Variants in STRBP observed in about 807,000 individuals in gnomAD.
STRBP encodes spermatid perinuclear RNA-binding protein.
A neutral mutation model predicts 80.1 loss-of-function variants in STRBP; 13 were observed. The observed-to-expected ratio is 0.16, with a 90% CI of 0.11 to 0.26. The LOEUF (loss-of-function observed/expected upper bound fraction) is 0.26, where lower values mean the gene tolerates loss of function less well. Ranked by LOEUF, STRBP falls within the 10% of genes least tolerant of loss-of-function variation. The pLI is 1.00. For missense variants in STRBP, 485 were observed against 815.2 expected (o/e 0.59, Z 4.93); for synonymous variants, 284 against 291.2 (o/e 0.98, Z 0.25).
rs534673014 is a variant in STRBP, at chr9:123,217,333, GA to G, written c.-165+19496del. On this transcript the variant is annotated intron_variant, in intron 2 of 18. Transcript: ENST00000348403. ...AAGGTTAGGAAAACAAGACCAGAAA[GA>G]AAAAAAAGCATCTTATTCCAAGAAT... Among the ~76,000 whole-genome samples, 3 of 151,270 alleles carry G rather than the reference GA, an allele frequency of 2.0e-5. 1 individual carries two copies. Among genetic ancestry groups the G allele is most frequent in the South Asian group, 4.2e-4 (2 of 4,808 alleles).
At chr9:123,150,196 C>T (rs1184515912) in intron 11 of STRBP, among the ~76,000 whole-genome samples, 1 of 152,072 alleles carries the variant, frequency 6.6e-6, no homozygotes, top group African/African-American at 2.4e-5. Flanking sequence ...TGGAGTGAAA[C>T]AAACAAGGAG....
chr9:123,259,966 G>A (rs1379316229), intron 1 of STRBP, among the ~76,000 whole-genome samples: 1 of 152,346 alleles, frequency 6.6e-6, no homozygotes, highest in South Asian at 2.1e-4. Context: ...CAGTAGAGTG[G>A]TGGGGTTAAA....
intron 2 of STRBP, among the ~76,000 whole-genome samples, chr9:123,224,381 T>C (rs966238550): frequency 6.6e-6 from 1 of 152,192 alleles, no homozygotes; most frequent in African/African-American, 2.4e-5. Flanking sequence ...GGGCTACCTA[T>C]TACCTCCTGA....
Position 123,126,549 on chromosome 9 carries a change from A to G in STRBP, c.1943-876T>C, listed in dbSNP as rs2035901579. 6.6e-6 allele frequency among the ~76,000 whole-genome samples: 1 copy of G among 152,164 alleles called. No homozygotes were observed. ...GTGGGGGCTCAGAGGGCACAGGGTG[A>G]AAGTATAATGTTAAAGGAGGAAAGG... is the stretch of plus-strand genomic sequence containing the variant. On this transcript the variant is annotated intron_variant, in intron 18 of 18. Transcript: ENST00000348403. This position sits in a 1 kb window ranked among gnomAD's most constrained non-coding sequence, Gnocchi z 4.4.
chr9:123,216,389 G>A (rs953746019), intron 2 of STRBP, among the ~76,000 whole-genome samples: 4 of 152,198 alleles, frequency 2.6e-5, no homozygotes, highest in African/African-American at 9.6e-5. Context: ...ATGAATAAAT[G>A]ATTGATGACT....
chr9:123,174,609 A>G (rs1404183825), intron 4 of STRBP, among the ~76,000 whole-genome samples: 1 of 152,252 alleles, frequency 6.6e-6, no homozygotes, highest in African/African-American at 2.4e-5. Flanking sequence ...ACTATTGGCT[A>G]GATGAGCTAA....
At chr9:123,250,367 CAT>C (rs1221532384) in intron 1 of STRBP, among the ~76,000 whole-genome samples, 1 of 152,146 alleles carries the variant, frequency 6.6e-6, no homozygotes, top group Non-Finnish European at 1.5e-5. Flanking sequence ...CTTGTGTTAA[CAT>C]ATAATAGTTT....
chr9:123,244,415 A>G (rs1407234733), intron 1 of STRBP, among the ~76,000 whole-genome samples: 1 of 152,206 alleles, frequency 6.6e-6, no homozygotes, highest in African/African-American at 2.4e-5. Flanking sequence ...AAACCCACAG[A>G]CCTGTACAAG....
chr9:123,246,129 A>C (rs752343759), intron 1 of STRBP, among the ~76,000 whole-genome samples: 1 of 152,248 alleles, frequency 6.6e-6, no homozygotes, highest in African/African-American at 2.4e-5. Context: ...CTTAACCTAA[A>C]ATCAAAAGGA....
intron 2 of STRBP, among the ~76,000 whole-genome samples, chr9:123,202,821 T>C (rs1177870943): frequency 6.6e-6 from 1 of 152,112 alleles, no homozygotes; most frequent in African/African-American, 2.4e-5. Flanking sequence ...CATAAATATA[T>C]ACACCTACTA....
At chr9:123,250,676 T>C (rs1420529448) in intron 1 of STRBP, among the ~76,000 whole-genome samples, 1 of 152,194 alleles carries the variant, frequency 6.6e-6, no homozygotes, top group African/African-American at 2.4e-5. Context: ...TCACTTAAGC[T>C]CTTGACAAAT....
At chr9:123,187,595 C>A (rs2038748817) in intron 2 of STRBP, among the ~76,000 whole-genome samples, 1 of 152,082 alleles carries the variant, frequency 6.6e-6, no homozygotes, top group Admixed American at 6.5e-5. Context: ...CTCCTTAGAA[C>A]AGCTTACGCA....
chr9:123,252,259 C>T (rs766938005), intron 1 of STRBP, among the ~76,000 whole-genome samples: 2 of 152,196 alleles, frequency 1.3e-5, no homozygotes, highest in African/African-American at 4.8e-5. Flanking sequence ...AGACTTCTTC[C>T]TATAACACGG....
chr9:123,116,040 A>G (rs1198965840), exon 3 of STRBP: 1 of 456,160 alleles, frequency 2.2e-6, no homozygotes, highest in South Asian at 1.5e-5. Flanking sequence ...CCCAGGTGCC[A>G]ATTTCCATAG....
chr9:123,116,739 C>T (rs545546393), downstream of STRBP, among the ~76,000 whole-genome samples: 3 of 152,286 alleles, frequency 2.0e-5, no homozygotes, highest in East Asian at 3.9e-4. Context: ...TTGGTGCCTA[C>T]TAGCGACGCA....
chr9:123,218,885 C>G (rs1380225801), intron 2 of STRBP, among the ~76,000 whole-genome samples: 1 of 152,110 alleles, frequency 6.6e-6, no homozygotes, highest in Non-Finnish European at 1.5e-5. Context: ...GCTTACTGTT[C>G]TAAGTACACT....
At position 123,170,038 on chromosome 9, in the gene STRBP, T is replaced by C. The variant is rs925829372; in HGVS notation, c.399A>G (p.Thr133=). 4 of 1,600,594 alleles carry C rather than the reference T, an allele frequency of 2.5e-6. No individual in the cohort carries two copies. Among genetic ancestry groups the C allele is most frequent in the Non-Finnish European group, 1.7e-6 (2 of 1,175,132 alleles). Residue 133 remains threonine, a synonymous_variant, in exon 6 of 19, where the codon ACA becomes ACG. Coordinates refer to ENST00000348403, the MANE Select transcript of STRBP (RefSeq NM_018387.5). The part of the protein sequence containing the change: ...DNLPIQIQKL[T]EEKYQVEQCV... ...ATTGTTCCACTTGATATTTCTCTTCTGTGAGTTTCTGAAAGTCACCAAGAT... is the reference window on the plus strand; with the variant it reads ...ATTGTTCCACTTGATATTTCTCTTCCGTGAGTTTCTGAAAGTCACCAAGAT...
In STRBP at chr9:123,178,055, A is replaced by G. The variant is rs1230711191; in HGVS notation, c.224+952T>C. Reference sequence around the variant, plus strand: ...CAGACACAATGTATAAACTGCCTGTAAATAGTTTAAAAAAATTGTGCTCTT... The same window carrying G: ...CAGACACAATGTATAAACTGCCTGTGAATAGTTTAAAAAAATTGTGCTCTT... On this transcript the variant is annotated intron_variant, in intron 4 of 18. Coordinates refer to ENST00000348403, the MANE Select transcript of STRBP (RefSeq NM_018387.5). 5.3e-5 allele frequency among the ~76,000 whole-genome samples: 8 copies of G among 152,194 alleles called. No individual in the cohort carries two copies. In the South Asian group the frequency reaches 1.7e-3, roughly 31 times the overall value.
rs773803273 is a variant in STRBP at position 123,159,059 on chromosome 9, T to A, written c.835+37A>T. On this transcript the variant is annotated intron_variant, in intron 9 of 18. Transcript: ENST00000348403. ...TAGAAAAATAAACTAAACTGAGATTTGCTGATTGTTCTGCTTCCAGAGTTT... is the reference window on the plus strand; with the variant it reads ...TAGAAAAATAAACTAAACTGAGATTAGCTGATTGTTCTGCTTCCAGAGTTT... The A allele has an allele frequency of 6.0e-6, 9 of 1,501,154 alleles. No individual in the cohort carries two copies. The South Asian group carries it at 1.0e-4, about 17-fold the overall frequency. The allele number at this position is 1,501,154 out of a possible 1,614,324, so 93.0% of individuals were successfully genotyped here. A position where few individuals can be genotyped will look rare whatever the true frequency, so the allele number is the denominator to read the frequency against.
Sources: gnomAD v4.1 joint callset for allele counts (sites outside exome capture counted in the v4.1 genomes callset) on GRCh38, gnomAD v4.1.1 for gene constraint, Gnocchi (gnomAD v3.1) non-coding constraint, MANE v1.5 for transcripts, NCBI Gene and HGNC (gene_info 2026-07-23, HGNC 2026-07-21) for gene names.